Variants in TENM4 observed in about 807,000 individuals in gnomAD.
TENM4 encodes the protein teneurin transmembrane protein 4.
TENM4 carries 82 observed loss-of-function variants against 243.3 expected under a neutral mutation model. The observed-to-expected ratio is 0.34, with a 90% CI of 0.28 to 0.40. The LOEUF (loss-of-function observed/expected upper bound fraction) is 0.40. Ranked by LOEUF, TENM4 falls within the 10% of genes least tolerant of loss-of-function variation. The pLI is 1.00. For missense variants in TENM4, 3,138 were observed against 3,673.3 expected, an observed-to-expected ratio of 0.85 and a Z score of 3.77; for synonymous variants, 1,412 against 1,456.3, an observed-to-expected ratio of 0.97 and a Z score of 0.69.
intron 9 of TENM4, among the ~76,000 whole-genome samples, chr11:78,868,083 A>AAG (rs939196193): frequency 6.6e-6 from 1 of 151,526 alleles, no homozygotes; most frequent in African/African-American, 2.4e-5. Context: ...GATTAAAAAA[A>AAG]AAAAAAAAAG....
chr11:78,850,781 T>G (rs1858517069), intron 12 of TENM4, among the ~76,000 whole-genome samples: 1 of 152,178 alleles, frequency 6.6e-6, no homozygotes, highest in Admixed American at 6.5e-5. Context: ...CTAAGCACTT[T>G]CTATTTCTCT....
At chr11:79,393,977 GAGA>G (rs1490344197) in intron 1 of TENM4, among the ~76,000 whole-genome samples, 1 of 152,166 alleles carries the variant, frequency 6.6e-6, no homozygotes, top group Non-Finnish European at 1.5e-5. Flanking sequence ...GACGAGAGGG[GAGA>G]AGAAGCCTTG....
intron 4 of TENM4, among the ~76,000 whole-genome samples, chr11:79,122,917 C>T (rs184309817): frequency 6.6e-6 from 1 of 152,212 alleles, no homozygotes; most frequent in Non-Finnish European, 1.5e-5. Context: ...TGGACTCCCT[C>T]AGAAATATTT....
intron 4 of TENM4, among the ~76,000 whole-genome samples, chr11:79,088,767 A>T (rs1860877934): frequency 6.6e-6 from 1 of 152,150 alleles, no homozygotes; most frequent in Non-Finnish European, 1.5e-5. Context: ...TTATTTGTTT[A>T]TTCAGTCATC....
chr11:78,981,744 C>T (rs1431942377), intron 6 of TENM4, among the ~76,000 whole-genome samples: 3 of 152,098 alleles, frequency 2.0e-5, no homozygotes, highest in Admixed American at 6.5e-5. Context: ...TCATTGAAGC[C>T]GGTTTGAGTT....
intron 16 of TENM4, among the ~76,000 whole-genome samples, chr11:78,782,892 T>C (rs536959723): frequency 2.5e-3 from 374 of 152,270 alleles, no homozygotes; most frequent in African/African-American, 8.8e-3. Flanking sequence ...ATCATTTTGA[T>C]CTTTACCCCC....
intron 6 of TENM4, among the ~76,000 whole-genome samples, chr11:79,057,645 T>A (rs1214258134): frequency 6.6e-6 from 1 of 152,208 alleles, no homozygotes; most frequent in Non-Finnish European, 1.5e-5. Context: ...TGTATCTCCA[T>A]GAGAGGGGGC....
intron 6 of TENM4, among the ~76,000 whole-genome samples, chr11:78,915,732 G>A (rs1425062836): frequency 6.6e-6 from 1 of 152,300 alleles, no homozygotes; most frequent in African/African-American, 2.4e-5. Context: ...GGTCAAGGCA[G>A]GTTATCAGGT....
At chr11:79,288,862 G>A (rs1856305687) in intron 2 of TENM4, among the ~76,000 whole-genome samples, 1 of 151,540 alleles carries the variant, frequency 6.6e-6, no homozygotes, top group South Asian at 2.1e-4. Flanking sequence ...TGGGTGAGAT[G>A]ACAAGATAGT....
chr11:79,200,277 G>A (rs72937306), intron 3 of TENM4, among the ~76,000 whole-genome samples: 4,853 of 152,310 alleles, frequency 0.032, 91 homozygotes, highest in Non-Finnish European at 0.039. Flanking sequence ...AGGACCCAGA[G>A]GCAGGGCAGC....
At chr11:79,296,855 T>A (rs932903989) in intron 2 of TENM4, among the ~76,000 whole-genome samples, 8 of 152,062 alleles carry the variant, frequency 5.3e-5, no homozygotes, top group African/African-American at 1.9e-4. Context: ...TGCTAGAAAG[T>A]CTCATAATGA....
At chr11:79,402,141 C>A in intron 1 of TENM4, 1 of 337,596 alleles carries the variant, frequency 3.0e-6, no homozygotes, top group Non-Finnish European at 7.1e-6. Context: ...CCTCGCCAAC[C>A]ATGGGGGTTA....
At chr11:78,727,239 G>A (rs1197462097) in intron 22 of TENM4, among the ~76,000 whole-genome samples, 1 of 152,180 alleles carries the variant, frequency 6.6e-6, no homozygotes, top group East Asian at 1.9e-4. Flanking sequence ...ACGAGGTCAG[G>A]AGATGGAGAC....
rs778706526 is a variant in TENM4 at position 78,812,300 on chromosome 11, G to C, written c.1800C>G (p.Leu600=). The C allele has an allele frequency of 1.9e-6, 3 of 1,551,734 alleles. No homozygotes were observed. Among genetic ancestry groups the C allele is most frequent in the Non-Finnish European group, 1.7e-6 (2 of 1,146,972 alleles). The change falls in exon 14 of 34, where the codon CTC becomes CTG. Residue 600 remains leucine (L), a synonymous_variant. Transcript: ENST00000278550. ...PDCGRASCPV[L]CSGNGQYMKG... The stretch of plus-strand genomic sequence containing the variant: ...TCATGTATTGGCCATTTCCGCTACA[G>C]AGCACGGGGCAGGAGGCTGGGGAGA...
intron 1 of TENM4, among the ~76,000 whole-genome samples, chr11:79,415,871 C>T (rs61882559): frequency 0.063 from 9,552 of 152,048 alleles, 377 homozygotes; most frequent in Middle Eastern, 0.11. Context: ...CAAATTTCCC[C>T]ATCCCCCTTG....
Position 78,732,555 on chromosome 11 carries a change from C to T in TENM4, c.2899G>A (p.Gly967Ser), listed in dbSNP as rs1198088971. ...TCGAACCGCAGGATGATGGAGATGC[C>T]GCCATTTGTCACCAAGTCAAAGCTG... Reference protein sequence around the residue: ...DGSFDLVTNGGISIILRFERA... With the variant: ...DGSFDLVTNGSISIILRFERA... The change falls in exon 21 of 34, where the codon GGC (glycine) becomes AGC (serine). Residue 967 changes from glycine to serine, a missense_variant. Gly to Ser is a moderately conservative substitution (Grantham distance 56). This residue lies in a region of TENM4 where 2,467 missense variants were observed against 3,059.1 expected (regional missense o/e 0.81). Coordinates refer to ENST00000278550, the MANE Select transcript of TENM4 (RefSeq NM_001098816.3). The T allele has an allele frequency of 8.7e-6, 14 of 1,604,018 alleles. No homozygotes were observed. Among genetic ancestry groups the T allele is most frequent in the Non-Finnish European group, 1.1e-5 (13 of 1,172,590 alleles).
intron 1 of TENM4, among the ~76,000 whole-genome samples, chr11:79,328,787 C>CATAT (rs10644121): frequency 1.2e-4 from 18 of 151,292 alleles, no homozygotes; most frequent in Non-Finnish European, 2.2e-4. Context: ...GTTAAGCATG[C>CATAT]ATATATATAT....
At chr11:78,908,089 C>G (rs890388693) in intron 6 of TENM4, among the ~76,000 whole-genome samples, 1 of 152,078 alleles carries the variant, frequency 6.6e-6, no homozygotes, top group Non-Finnish European at 1.5e-5. Context: ...TCCTGAACAC[C>G]GAAACCTCCT....
chr11:79,124,805 A>G (rs938896435), intron 4 of TENM4, among the ~76,000 whole-genome samples: 14 of 144,344 alleles, frequency 9.7e-5, no homozygotes, highest in Admixed American at 6.3e-4. Context: ...ATGTATATGT[A>G]TGTGTATATA....
Sources: allele counts gnomAD v4.1 joint callset (sites outside exome capture counted in the v4.1 genomes callset), GRCh38; gene constraint gnomAD v4.1.1; regional missense constraint gnomAD v4.1.1; transcripts MANE v1.5; gene names NCBI Gene and HGNC (gene_info 2026-07-23, HGNC 2026-07-21).